SMC1B: variants seen among roughly 807,000 people sequenced by gnomAD.
The protein encoded by SMC1B is structural maintenance of chromosomes 1B, also known as structural maintenance of chromosomes protein 1B.
In SMC1B, 60 loss-of-function variants were observed where a neutral mutation model predicts 157.9. That is an observed-to-expected ratio of 0.38 (90% confidence interval 0.31 to 0.47). SMC1B has a LOEUF of 0.47. SMC1B is among the 20% of genes least tolerant of loss of function. The pLI is 0.99. For missense variants in SMC1B, 1,165 were observed against 1,426.2 expected (o/e 0.82, Z 2.95); for synonymous variants, 445 against 483.0 (o/e 0.92, Z 1.03).
intron 22 of SMC1B, among the ~76,000 whole-genome samples, chr22:45,351,768 A>G (rs2086617905): frequency 1.3e-5 from 2 of 152,194 alleles, no homozygotes; most frequent in South Asian, 4.1e-4. Context: ...CAGGTTCAGC[A>G]TCTGTACTTT....
intron 2 of SMC1B, 22 bp from the exon 3 acceptor site, chr22:45,406,887 T>C (rs775695786): frequency 2.0e-6 from 3 of 1,497,726 alleles, no homozygotes; most frequent in South Asian, 2.7e-5. Context: ...AAATAAACCC[T>C]GTTAAAAAAT....
chr22:45,381,596 A>G (rs1466613579), intron 12 of SMC1B, among the ~76,000 whole-genome samples: 1 of 152,132 alleles, frequency 6.6e-6, no homozygotes, highest in Non-Finnish European at 1.5e-5. Context: ...GAAGCCCTAT[A>G]TCAGCTTTTC....
intron 15 of SMC1B, among the ~76,000 whole-genome samples, chr22:45,364,877 G>C (rs1303917764): frequency 1.6e-5 from 2 of 128,522 alleles, no homozygotes; most frequent in African/African-American, 3.0e-5. Flanking sequence ...TCGCTCTGTT[G>C]CCCAGGCTGG....
intron 12 of SMC1B, among the ~76,000 whole-genome samples, chr22:45,376,985 A>G (rs1163486544): frequency 6.6e-6 from 1 of 152,152 alleles, no homozygotes; most frequent in Non-Finnish European, 1.5e-5. Flanking sequence ...TGTTTTTCAC[A>G]ATCTTGTAAT....
intron 14 of SMC1B, 40 bp downstream of exon 14, chr22:45,371,431 A>T (rs1323919573): frequency 1.3e-6 from 2 of 1,533,148 alleles, no homozygotes; most frequent in East Asian, 2.4e-5. Flanking sequence ...CTGGTCTAGA[A>T]CTACATATAC....
intron 1 of SMC1B, among the ~76,000 whole-genome samples, chr22:45,412,131 C>T (rs1002914247): frequency 2.6e-5 from 4 of 152,186 alleles, no homozygotes; most frequent in Non-Finnish European, 5.9e-5. Context: ...CCGCCCGCCT[C>T]GGCCTCCCAA....
At chr22:45,392,910 A>T (rs1419497111) in intron 9 of SMC1B, among the ~76,000 whole-genome samples, 1 of 152,186 alleles carries the variant, frequency 6.6e-6, no homozygotes, top group East Asian at 1.9e-4. Flanking sequence ...CATGTTGGCC[A>T]GGCTGGTCTC....
At chr22:45,381,103 C>T (rs538024202) in intron 12 of SMC1B, among the ~76,000 whole-genome samples, 7 of 151,848 alleles carry the variant, frequency 4.6e-5, no homozygotes, top group Non-Finnish European at 8.8e-5. Context: ...GCCAGAAGTA[C>T]GTTTTTTAGT....
In SMC1B at chr22:45,407,994, T is replaced by A. The variant is rs887434407; in HGVS notation, c.298+716A>T. Among the ~76,000 whole-genome samples, 10 of 152,326 alleles carry A rather than the reference T, an allele frequency of 6.6e-5. No individual in the cohort carries two copies. The South Asian group carries it at 8.3e-4, about 13-fold the overall frequency. On this transcript the variant is annotated intron_variant, in intron 2 of 24. Transcript: ENST00000357450. Reference sequence around the variant, plus strand: ...TTTCACTCAAGTTGCTTTTTGGTGGTAGAAAAAACTGTCTATAATAAAGCC... The same window carrying A: ...TTTCACTCAAGTTGCTTTTTGGTGGAAGAAAAAACTGTCTATAATAAAGCC...
chr22:45,372,938 C>T (rs1409024137), intron 12 of SMC1B, among the ~76,000 whole-genome samples: 1 of 152,102 alleles, frequency 6.6e-6, no homozygotes, highest in Non-Finnish European at 1.5e-5. Flanking sequence ...TCATCTCGAT[C>T]TCCTGATCTT....
Position 45,344,431 on chromosome 22 carries a change from C to T in SMC1B, c.*125G>A. The T allele has an allele frequency of 1.6e-6, 1 of 636,028 alleles. No homozygotes were observed. The highest frequency in any genetic ancestry group is 2.7e-5 in the East Asian group (1 of 37,378). 39.4% of individuals were successfully genotyped at this position (636,028 alleles called of 1,614,324 possible). On this transcript the variant is annotated 3_prime_UTR_variant, in exon 25 of 25. Transcript: ENST00000357450. ...GCCACAGCCTCTTTGGCTAGAACGA[C>T]TAAGGTTTCTCTTAAAGGGTGCACC...
At position 45,413,549 on chromosome 22, in the gene SMC1B, G is replaced by T. The variant is rs1450927599; in HGVS notation, c.19C>A (p.Leu7Met). 3.7e-6 allele frequency: 6 copies of T among 1,609,950 alleles called. No individual in the cohort carries two copies. The Admixed American group carries it at 6.7e-5, about 18-fold the overall frequency. The change falls in exon 1 of 25, where the codon CTG becomes ATG. Residue 7 changes from leucine to methionine, a missense_variant. Transcript: ENST00000357450. MAHLELLLVENFKSWRG... is the reference protein window; with the variant it reads MAHLELMLVENFKSWRG... Reference sequence around the variant, plus strand: ...CACGACTTGAAATTTTCCACAAGCAGCAGCTCCAGGTGGGCCATGGCGCCG... The same window carrying T: ...CACGACTTGAAATTTTCCACAAGCATCAGCTCCAGGTGGGCCATGGCGCCG...
chr22:45,351,907 A>G (rs2086619482), intron 22 of SMC1B, among the ~76,000 whole-genome samples: 1 of 152,240 alleles, frequency 6.6e-6, no homozygotes, highest in South Asian at 2.1e-4. Flanking sequence ...GAGATTAAAT[A>G]CTTTTATAGA....
At position 45,394,763 on chromosome 22, in the gene SMC1B, T is replaced by G; in HGVS notation, c.1259A>C (p.Asn420Thr). The G allele has an allele frequency of 6.5e-7, 1 of 1,536,546 alleles. No individual in the cohort carries two copies. The highest frequency in any genetic ancestry group is 1.2e-5 in the South Asian group (1 of 83,276). Reference sequence around the variant, plus strand: ...TATTTGTTCTTTTATTTGTTTTAGATTTCCCTAAAAGAGGAAATAAAATCT... The same window carrying G: ...TATTTGTTCTTTTATTTGTTTTAGAGTTCCCTAAAAGAGGAAATAAAATCT... Reference protein sequence around the residue: ...EKRRHGEVQGNLKQIKEQIED... With the variant: ...EKRRHGEVQGTLKQIKEQIED... Residue 420 changes from asparagine to threonine, a missense_variant, in exon 8 of 25, where the codon AAT becomes ACT. Coordinates refer to ENST00000357450, the MANE Select transcript of SMC1B (RefSeq NM_148674.5).
chr22:45,347,195 T>TTCCTGTTTGCTTCCCAGCTACCATG (rs1569170616), intron 23 of SMC1B, among the ~76,000 whole-genome samples: 18 of 152,102 alleles, frequency 1.2e-4, no homozygotes, highest in African/African-American at 3.9e-4. Context: ...ATGCTCTTCT[T>TTCCTGTTTGCTTCCCAGCTACCATG]TCCTGTTTCC....
intron 1 of SMC1B, among the ~76,000 whole-genome samples, chr22:45,410,338 A>C (rs1473023677): frequency 6.6e-6 from 1 of 152,144 alleles, no homozygotes; most frequent in Non-Finnish European, 1.5e-5. Flanking sequence ...CCAAGGTGCA[A>C]TGTCAATGCA....
chr22:45,406,399 G>T, intron 4 of SMC1B, 61 bp downstream of exon 4: 1 of 1,402,608 alleles, frequency 7.1e-7, no homozygotes, highest in South Asian at 1.3e-5. Context: ...CATACCTAGT[G>T]ATTCTAACAT....
intron 11 of SMC1B, among the ~76,000 whole-genome samples, chr22:45,385,893 T>C (rs936915678): frequency 4.6e-5 from 7 of 152,064 alleles, no homozygotes; most frequent in African/African-American, 1.7e-4. Context: ...AGTCAATAAA[T>C]TTAACACTGG....
intron 4 of SMC1B, among the ~76,000 whole-genome samples, chr22:45,404,382 A>G (rs117639801): frequency 0.017 from 2,564 of 152,396 alleles, 42 homozygotes; most frequent in South Asian, 0.028. Flanking sequence ...ATAGCCGTGC[A>G]AAGTTGTCTC....
Sources: allele counts gnomAD v4.1 joint callset (sites outside exome capture counted in the v4.1 genomes callset), GRCh38; gene constraint gnomAD v4.1.1; transcripts MANE v1.5; gene names NCBI Gene and HGNC (gene_info 2026-07-23, HGNC 2026-07-21).